Variants in TTC7B observed in about 807,000 individuals in gnomAD.
TTC7B encodes tetratricopeptide repeat protein 7B.
Under a neutral mutation model 106.8 loss-of-function variants are expected in TTC7B, and 28 were observed. The observed-to-expected ratio is 0.26, with a 90% CI of 0.19 to 0.36. The LOEUF is 0.36. Ranked by LOEUF, TTC7B falls within the 10% of genes least tolerant of loss-of-function variation. TTC7B has a pLI of 1.00. For missense variants in TTC7B, 862 were observed against 1,076.4 expected (o/e 0.80, Z 2.79); for synonymous variants, 405 against 430.6 (o/e 0.94, Z 0.74).
chr14:90,657,467 CTG>C lies in TTC7B; in HGVS notation c.1237-191_1237-190del. The stretch of plus-strand genomic sequence containing the variant: ...GGCTTCTGAGTGACTGGGGAGTACA[CTG>C]GGTTAAAAGCCAGCAGGAATGCTTC... On this transcript the variant is annotated intron_variant, in intron 10 of 19. Coordinates refer to ENST00000328459, the MANE Select transcript of TTC7B (RefSeq NM_001010854.2). This position sits in a 1 kb window ranked among gnomAD's most constrained non-coding sequence, Gnocchi z 4.2. The C allele has an allele frequency of 1.9e-6, 1 of 534,042 alleles. No homozygotes were observed. The highest frequency in any genetic ancestry group is 3.3e-6 in the Non-Finnish European group (1 of 300,466). 33.1% of individuals were successfully genotyped at this position (534,042 alleles called of 1,614,324 possible).
chr14:90,695,036 A>T (rs1350784809), intron 6 of TTC7B, among the ~76,000 whole-genome samples: 7 of 40,732 alleles, frequency 1.7e-4, no homozygotes, highest in Non-Finnish European at 2.9e-4. Flanking sequence ...TATATTTTTT[A>T]TTTTATTATA....
At chr14:90,781,594 G>A (rs976041614) in intron 2 of TTC7B, among the ~76,000 whole-genome samples, 3 of 152,174 alleles carry the variant, frequency 2.0e-5, no homozygotes, top group Non-Finnish European at 2.9e-5. Context: ...AAAAGGAAGC[G>A]GCCAGACATC....
chr14:90,617,824 A>G (rs779129055), intron 16 of TTC7B, 105 bp downstream of exon 16: 3 of 837,506 alleles, frequency 3.6e-6, no homozygotes, highest in Non-Finnish European at 6.0e-6. Context: ...CTGGAGGTGC[A>G]CAGGGGTGAC....
rs373884753 is a variant in TTC7B at position 90,541,377 on chromosome 14, G to A, written c.2523C>T (p.Arg841=). Residue 841 remains arginine (R), a synonymous_variant, in exon 20 of 20, where the codon CGC becomes CGT. Coordinates refer to ENST00000328459, the MANE Select transcript of TTC7B (RefSeq NM_001010854.2). ...GCTGGCAGGCGCCTGCTCAGAGCACGCGGGGGATGATGGTGAAGGGCACGG... is the reference window on the plus strand; with the variant it reads ...GCTGGCAGGCGCCTGCTCAGAGCACACGGGGGATGATGGTGAAGGGCACGG... ...SPAVPFTIIP[R]VL is the part of the protein sequence containing the mutation. 9.3e-5 allele frequency: 150 copies of A among 1,605,620 alleles called. No homozygotes were observed. Among genetic ancestry groups the A allele is most frequent in the Non-Finnish European group, 1.2e-4 (141 of 1,176,670 alleles).
chr14:90,751,598 A>T (rs1481775159), intron 3 of TTC7B, among the ~76,000 whole-genome samples: 9 of 150,824 alleles, frequency 6.0e-5, no homozygotes, highest in East Asian at 3.9e-4. Flanking sequence ...TTTATTTTTT[A>T]TTTTTATTTT....
At chr14:90,695,377 CAT>C (rs1305755478) in intron 6 of TTC7B, 121 bp downstream of exon 6, 1 of 402,684 alleles carries the variant, frequency 2.5e-6, no homozygotes, top group Non-Finnish European at 4.4e-6. Context: ...ATATATGTCA[CAT>C]ATATTTATAA....
intron 5 of TTC7B, among the ~76,000 whole-genome samples, chr14:90,696,390 G>A (rs565552051): frequency 5.3e-5 from 8 of 152,144 alleles, no homozygotes; most frequent in East Asian, 1.9e-4. Flanking sequence ...ATTAAGCACG[G>A]CCACCACCTA....
At chr14:90,711,742 A>C (rs889817427) in intron 5 of TTC7B, among the ~76,000 whole-genome samples, 1 of 152,198 alleles carries the variant, frequency 6.6e-6, no homozygotes, top group Non-Finnish European at 1.5e-5. Context: ...AATTTTTTCC[A>C]AAAAAATGCA....
intron 3 of TTC7B, chr14:90,766,690 A>AAGAGGGCGGGAGAACTCG (rs1282228124): frequency 7.1e-7 from 1 of 1,412,520 alleles, no homozygotes; most frequent in Non-Finnish European, 1.0e-6. Flanking sequence ...TGACTGCACC[A>AAGAGGGCGGGAGAACTCG]AGAGGGCGGG....
chr14:90,731,916 T>C lies in TTC7B; in HGVS notation c.577-1720A>G, dbSNP rs1311955087. ...ACACGGAAACTTTTAAAAATCATCC[T>C]TCATTTGCTTTTCAGCATAGTTTTA... is the stretch of plus-strand genomic sequence containing the variant. On this transcript the variant is annotated intron_variant, in intron 4 of 19. Coordinates refer to ENST00000328459, the MANE Select transcript of TTC7B (RefSeq NM_001010854.2). Among the ~76,000 whole-genome samples the C allele has an allele frequency of 7.9e-5, 12 of 152,312 alleles. No homozygotes were observed. The East Asian group carries it at 9.6e-4, about 12-fold the overall frequency.
chr14:90,801,229 A>AG (rs2030248181), intron 1 of TTC7B, among the ~76,000 whole-genome samples: 1 of 151,248 alleles, frequency 6.6e-6, no homozygotes, highest in Non-Finnish European at 1.5e-5. Context: ...TATCAAAAAA[A>AG]AAAAAAAAAA....
At chr14:90,584,651 C>T (rs1223284942) in intron 18 of TTC7B, among the ~76,000 whole-genome samples, 1 of 151,998 alleles carries the variant, frequency 6.6e-6, no homozygotes, top group African/African-American at 2.4e-5. Flanking sequence ...CCGAGATCTT[C>T]TACCTCACCT....
chr14:90,674,425 G>A lies in TTC7B; in HGVS notation c.1152+2098C>T, dbSNP rs571334705. On this transcript the variant is annotated intron_variant, in intron 9 of 19. Coordinates refer to ENST00000328459, the MANE Select transcript of TTC7B (RefSeq NM_001010854.2). ...GAGACAACACAGTTGGTGAATGCTC[G>A]CTCCAATTGCCTAAGTGGTAGGCAC... is the stretch of plus-strand genomic sequence containing the variant. Among the ~76,000 whole-genome samples, 5 of 152,344 alleles carry A rather than the reference G, an allele frequency of 3.3e-5. No homozygotes were observed. In the East Asian group the frequency reaches 9.7e-4, roughly 29 times the overall value.
intron 9 of TTC7B, 129 bp from the exon 10 acceptor site, chr14:90,658,516 C>T (rs1418141434): frequency 1.2e-6 from 1 of 848,700 alleles, no homozygotes; most frequent in Non-Finnish European, 1.9e-6. Flanking sequence ...ATGCTTAAAA[C>T]ATAATCCACC....
At chr14:90,718,019 C>G (rs1566853423) in intron 5 of TTC7B, among the ~76,000 whole-genome samples, 1 of 152,232 alleles carries the variant, frequency 6.6e-6, no homozygotes, top group Non-Finnish European at 1.5e-5. Flanking sequence ...TCCTTCTTCC[C>G]CACACTCATG....
intron 3 of TTC7B, among the ~76,000 whole-genome samples, chr14:90,749,530 C>T (rs1047551075): frequency 7.3e-5 from 11 of 151,572 alleles, no homozygotes; most frequent in African/African-American, 2.4e-4. Flanking sequence ...TTCAGCCTCC[C>T]GAGTAGCTGG....
At chr14:90,597,414 G>A (rs572214820) in intron 17 of TTC7B, among the ~76,000 whole-genome samples, 219 of 152,224 alleles carry the variant, frequency 1.4e-3, no homozygotes, top group African/African-American at 4.9e-3. Context: ...CCCCAGCACC[G>A]TGGGAGGCTG....
chr14:90,678,364 TTA>T (rs1472533207), intron 8 of TTC7B, among the ~76,000 whole-genome samples: 1 of 152,214 alleles, frequency 6.6e-6, no homozygotes, highest in African/African-American at 2.4e-5. Context: ...TGCTTCTGAA[TTA>T]AAGTCAGTAC....
intron 5 of TTC7B, chr14:90,699,303 A>G (rs1307371846): frequency 1.1e-5 from 5 of 438,570 alleles, no homozygotes; most frequent in African/African-American, 8.2e-5. Context: ...AAGGCTAGAG[A>G]AATTTGGGGA....
Sources: gnomAD v4.1 joint callset for allele counts (sites outside exome capture counted in the v4.1 genomes callset) on GRCh38, gnomAD v4.1.1 for gene constraint, Gnocchi (gnomAD v3.1) non-coding constraint, MANE v1.5 for transcripts, NCBI Gene and HGNC (gene_info 2026-07-23, HGNC 2026-07-21) for gene names.